Variants in AAGAB observed in about 807,000 individuals in gnomAD.
AAGAB encodes alpha and gamma adaptin binding protein.
In AAGAB, 38 loss-of-function variants were observed where a neutral mutation model predicts 44.1. The observed-to-expected ratio is 0.86, with a 90% CI of 0.67 to 1.13. The LOEUF is 1.13. Ranked by LOEUF, AAGAB falls within the 50% of genes most tolerant of loss-of-function variation. The pLI, the probability that AAGAB is intolerant of heterozygous loss-of-function variation, is 0.00. For missense variants in AAGAB, 450 were observed against 373.8 expected, an observed-to-expected ratio of 1.20 and a Z score of -1.68; for synonymous variants, 131 against 131.8, an observed-to-expected ratio of 0.99 and a Z score of 0.04.
upstream of AAGAB, chr15:67,255,036 A>G (rs544714275): frequency 8.0e-4 from 1,029 of 1,280,560 alleles, no homozygotes; most frequent in Non-Finnish European, 1.1e-3. Context: ...ACGCTCACCC[A>G]TTTGGTGCGC....
chr15:67,225,883 A>G (rs1254575584), intron 5 of AAGAB, among the ~76,000 whole-genome samples: 4 of 152,176 alleles, frequency 2.6e-5, no homozygotes, highest in Non-Finnish European at 5.9e-5. Context: ...TTCGGTATAT[A>G]GCTAGGAGTG....
chr15:67,246,531 T>C (rs941147179), intron 1 of AAGAB, among the ~76,000 whole-genome samples: 2 of 152,204 alleles, frequency 1.3e-5, no homozygotes, highest in Non-Finnish European at 1.5e-5. Context: ...ATAAATACAA[T>C]GTTATGTCCA....
At chr15:67,254,199 A>G (rs1964998193) in intron 1 of AAGAB, 1 of 237,384 alleles carries the variant, frequency 4.2e-6, no homozygotes, top group African/African-American at 2.2e-5. Context: ...GGATAACAAC[A>G]TCACGATATC....
At chr15:67,204,794 C>T (rs781236295) in intron 7 of AAGAB, among the ~76,000 whole-genome samples, 1 of 152,172 alleles carries the variant, frequency 6.6e-6, no homozygotes, top group Non-Finnish European at 1.5e-5. Context: ...ATTTTAACTC[C>T]TTCTCCACTC....
chr15:67,210,922 T>G (rs1453194648), intron 5 of AAGAB, among the ~76,000 whole-genome samples: 1 of 152,180 alleles, frequency 6.6e-6, no homozygotes, highest in South Asian at 2.1e-4. Flanking sequence ...GACAACTTTC[T>G]CCCACCTTGC....
At chr15:67,219,840 G>C (rs571950121) in intron 5 of AAGAB, among the ~76,000 whole-genome samples, 2 of 152,276 alleles carry the variant, frequency 1.3e-5, no homozygotes, top group East Asian at 3.9e-4. Flanking sequence ...AGTTAATATA[G>C]AAGTTATATC....
chr15:67,203,599 T>TA lies in AAGAB; in HGVS notation c.821-3dup. 6.2e-7 allele frequency: 1 copy of TA among 1,613,292 alleles called. No homozygotes were observed. Among genetic ancestry groups the TA allele is most frequent in the Non-Finnish European group, 8.5e-7 (1 of 1,179,706 alleles). On this transcript the variant is annotated splice_polypyrimidine_tract_variant and splice_region_variant and intron_variant, in intron 8 of 9. Coordinates refer to ENST00000261880, the MANE Select transcript of AAGAB (RefSeq NM_024666.5). ...CATGAGGAAGCGTCGCAGCCTTGTC[T>TA]AGGGGGAAAATATATCTTAAGAAAT...
intron 1 of AAGAB, among the ~76,000 whole-genome samples, chr15:67,242,282 G>A (rs1237953856): frequency 7.6e-6 from 1 of 132,448 alleles, no homozygotes; most frequent in Non-Finnish European, 1.6e-5. Context: ...AATTAGCCGG[G>A]CGCGGTGGCG....
chr15:67,200,722 G>A lies in AAGAB; in HGVS notation c.*2099C>T, dbSNP rs1031957377. Among the ~76,000 whole-genome samples the A allele has an allele frequency of 1.4e-4, 22 of 152,194 alleles. No homozygotes were observed. The highest frequency in any genetic ancestry group is 4.8e-4 in the African/African-American group (20 of 41,442). On this transcript the variant is annotated 3_prime_UTR_variant, in exon 10 of 10. Coordinates refer to ENST00000261880, the MANE Select transcript of AAGAB (RefSeq NM_024666.5). ...ACAACTTGTGGTAGCATGAACATAGGTCACTTTAGATAGACTGCAGCTATT... is the reference window on the plus strand; with the variant it reads ...ACAACTTGTGGTAGCATGAACATAGATCACTTTAGATAGACTGCAGCTATT...
chr15:67,254,422 A>G, intron 1 of AAGAB, 137 bp downstream of exon 1: 1 of 1,441,106 alleles, frequency 6.9e-7, no homozygotes, highest in South Asian at 1.5e-5. Context: ...ACCTGGGGAG[A>G]CTGGGCGCCT....
upstream of AAGAB, chr15:67,255,009 C>A: frequency 6.6e-7 from 1 of 1,520,800 alleles, no homozygotes; most frequent in Non-Finnish European, 9.1e-7. Flanking sequence ...AGCGAGGTCC[C>A]GCGCGCCGAT....
At chr15:67,203,183 G>C (rs1963606765) in intron 9 of AAGAB, among the ~76,000 whole-genome samples, 1 of 152,166 alleles carries the variant, frequency 6.6e-6, no homozygotes, top group Non-Finnish European at 1.5e-5. Context: ...GTCCAAAAGG[G>C]AACAGGATAA....
Position 67,208,601 on chromosome 15 carries a change from C to T in AAGAB, c.676G>A (p.Ala226Thr). ...ACCTGGGCATCTGTTGTGTTAGATG[C>T]ACCACCCCGATGATCAGAGAGGGAT... ...TESLSDHRGG[A>T]SNTTDAQVDS... Residue 226 changes from alanine to threonine, a missense_variant, in exon 7 of 10, where the codon GCA (alanine) becomes ACA (threonine). Ala to Thr is a moderately conservative substitution (Grantham distance 58). Coordinates refer to ENST00000261880, the MANE Select transcript of AAGAB (RefSeq NM_024666.5). 6.2e-7 allele frequency: 1 copy of T among 1,614,116 alleles called. No individual in the cohort carries two copies. The highest frequency in any genetic ancestry group is 8.5e-7 in the Non-Finnish European group (1 of 1,180,024).
chr15:67,231,098 G>T (rs1364123197), intron 5 of AAGAB, among the ~76,000 whole-genome samples: 3 of 151,948 alleles, frequency 2.0e-5, no homozygotes, highest in Non-Finnish European at 4.4e-5. Flanking sequence ...GGTGTGCAGT[G>T]GCATGACCAC....
chr15:67,213,468 T>C (rs896673912), intron 5 of AAGAB, among the ~76,000 whole-genome samples: 1 of 152,200 alleles, frequency 6.6e-6, no homozygotes, highest in African/African-American at 2.4e-5. Context: ...CATAGCAATT[T>C]TGACTTACAT....
chr15:67,250,962 G>A (rs1265483806), intron 1 of AAGAB, among the ~76,000 whole-genome samples: 1 of 152,234 alleles, frequency 6.6e-6, no homozygotes, highest in Non-Finnish European at 1.5e-5. Context: ...AGGAGGCGGA[G>A]CTTGCAGTGA....
chr15:67,215,898 T>G (rs1353742604), intron 5 of AAGAB, among the ~76,000 whole-genome samples: 1 of 152,174 alleles, frequency 6.6e-6, no homozygotes, highest in East Asian at 1.9e-4. Context: ...AATCCATTAT[T>G]AAAAATAGTA....
At chr15:67,255,115 C>T (rs927897669), upstream of AAGAB, 11 of 670,046 alleles carry the variant, frequency 1.6e-5, no homozygotes, top group African/African-American at 1.1e-4. Context: ...CCCCACGGCC[C>T]AGCACACTCC....
At chr15:67,221,037 AC>A (rs1964053372) in intron 5 of AAGAB, 1 of 152,210 alleles carries the variant, frequency 6.6e-6, no homozygotes, top group African/African-American at 2.4e-5. Context: ...CCTTATACAT[AC>A]CCTGTAATAC....
Sources: gnomAD v4.1 joint callset for allele counts (sites outside exome capture counted in the v4.1 genomes callset) on GRCh38, gnomAD v4.1.1 for gene constraint, MANE v1.5 for transcripts, NCBI Gene and HGNC (gene_info 2026-07-23, HGNC 2026-07-21) for gene names.